The following RAB39A variants were observed in gnomAD, a reference collection of about 807,000 sequenced individuals.
The protein encoded by RAB39A is RAB39A, member RAS oncogene family, also known as ras-related protein Rab-39A.
In RAB39A, 17 loss-of-function variants were observed where a neutral mutation model predicts 20.9. That is an observed-to-expected ratio of 0.81 (90% CI 0.56 to 1.22). RAB39A has a LOEUF of 1.22. RAB39A is among the 50% of genes most tolerant of loss of function. The probability of loss-of-function intolerance (pLI) is 0.00; values close to 1 mark genes in which losing one functional copy is unlikely to be tolerated. For synonymous variants in RAB39A, 99 were observed against 103.4 expected (o/e 0.96, Z 0.26); for missense variants, 234 against 270.5 (o/e 0.87, Z 0.95).
At chr11:107,934,370 G>A (rs1011722666) in intron 1 of RAB39A, among the ~76,000 whole-genome samples, 4 of 152,094 alleles carry the variant, frequency 2.6e-5, no homozygotes, top group African/African-American at 9.7e-5. Context: ...GGAGGTCGAG[G>A]CTTCTGTGAG....
Position 107,928,911 on chromosome 11 carries a change from C to A in RAB39A, c.227+116C>A. ...GGGAGAGGCTCTGGCCCTTCCCTCT[C>A]GAAAGTGCAAACACTCCATTCTCGC... is the stretch of plus-strand genomic sequence containing the variant. On this transcript the variant is annotated intron_variant, in intron 1 of 1. Transcript: ENST00000320578. The surrounding 1 kb of genome is among the most constrained non-coding windows in gnomAD (Gnocchi z 4.9). The A allele has an allele frequency of 1.3e-6, 1 of 763,006 alleles. No homozygotes were observed. The highest frequency in any genetic ancestry group is 2.0e-6 in the Non-Finnish European group (1 of 501,332). The allele number at this position is 763,006 out of a possible 1,614,324, so 47.3% of individuals were successfully genotyped here. A position where few individuals can be genotyped will look rare whatever the true frequency, so the allele number is the denominator to read the frequency against.
At chr11:107,959,783 G>T (rs1424205792) in intron 1 of RAB39A, among the ~76,000 whole-genome samples, 1 of 152,170 alleles carries the variant, frequency 6.6e-6, no homozygotes, top group African/African-American at 2.4e-5. Context: ...TAACCCACTG[G>T]CCATTCACAA....
At chr11:107,939,803 C>A (rs1040123830) in intron 1 of RAB39A, among the ~76,000 whole-genome samples, 2 of 152,090 alleles carry the variant, frequency 1.3e-5, no homozygotes, top group Non-Finnish European at 2.9e-5. Flanking sequence ...TTTCTCTCGT[C>A]ATGCCACAGC....
At position 107,947,068 on chromosome 11, in the gene RAB39A, T is replaced by C. The variant is rs1861326789; in HGVS notation, c.228-14878T>C. ...AGTTGAAAAAAAAAATCTCAAAAGG[T>C]AGGACAAAAAGACAGTGACTTAGAA... On this transcript the variant is annotated intron_variant, in intron 1 of 1. Transcript: ENST00000320578. 3.3e-5 allele frequency among the ~76,000 whole-genome samples: 5 copies of C among 150,466 alleles called. No homozygotes were observed. In the South Asian group the frequency reaches 1.1e-3, roughly 32 times the overall value.
intron 1 of RAB39A, among the ~76,000 whole-genome samples, chr11:107,940,500 A>C (rs970211403): frequency 7.9e-5 from 12 of 151,810 alleles, no homozygotes; most frequent in Non-Finnish European, 1.2e-4. Flanking sequence ...CTGACCTCAA[A>C]TCATCTGTCT....
chr11:107,937,539 ATT>A (rs112197410), intron 1 of RAB39A, among the ~76,000 whole-genome samples: 4 of 142,792 alleles, frequency 2.8e-5, no homozygotes, highest in Non-Finnish European at 1.5e-5. Context: ...AATTATTACT[ATT>A]TTTTTTTTTT....
At chr11:107,949,117 T>C (rs973257617) in intron 1 of RAB39A, among the ~76,000 whole-genome samples, 1 of 152,008 alleles carries the variant, frequency 6.6e-6, no homozygotes, top group Non-Finnish European at 1.5e-5. Flanking sequence ...GCCCAGGAGT[T>C]TGAGACTAGC....
At chr11:107,929,210 C>T (rs1861113682) in intron 1 of RAB39A, among the ~76,000 whole-genome samples, 1 of 152,188 alleles carries the variant, frequency 6.6e-6, no homozygotes, top group Non-Finnish European at 1.5e-5. Flanking sequence ...CCTTTTCCTA[C>T]CCTAACCCAG....
rs201289690 is a variant in RAB39A at position 107,928,556 on chromosome 11, G to T, written c.-13G>T. The T allele has an allele frequency of 7.8e-5, 114 of 1,453,808 alleles. 2 individuals carry two copies. The East Asian group carries it at 2.0e-3, about 25-fold the overall frequency. The allele number at this position is 1,453,808 out of a possible 1,614,324, so 90.1% of individuals were successfully genotyped here. ...GGGTGGGGCGGCCCGGGAGCCAGCGGGGCACGTGAGCGATGGAGACCATCT... is the reference window on the plus strand; with the variant it reads ...GGGTGGGGCGGCCCGGGAGCCAGCGTGGCACGTGAGCGATGGAGACCATCT... On this transcript the variant is annotated 5_prime_UTR_variant, in exon 1 of 2. Coordinates refer to ENST00000320578, the MANE Select transcript of RAB39A (RefSeq NM_017516.3). This position sits in a 1 kb window ranked among gnomAD's most constrained non-coding sequence, Gnocchi z 4.9.
intron 1 of RAB39A, among the ~76,000 whole-genome samples, chr11:107,930,670 A>G (rs1438392605): frequency 2.0e-5 from 3 of 152,052 alleles, no homozygotes; most frequent in African/African-American, 7.2e-5. Flanking sequence ...AGCCTGGCCA[A>G]TAAGGTGAAA....
At chr11:107,948,120 CAG>C (rs553254270) in intron 1 of RAB39A, among the ~76,000 whole-genome samples, 80 of 152,114 alleles carry the variant, frequency 5.3e-4, no homozygotes, top group African/African-American at 1.9e-3. Context: ...GTGTGTGCTG[CAG>C]ATACCAAGGA....
intron 1 of RAB39A, among the ~76,000 whole-genome samples, chr11:107,944,675 G>A (rs954138686): frequency 7.2e-5 from 11 of 151,964 alleles, no homozygotes; most frequent in African/African-American, 2.2e-4. Flanking sequence ...GTGAGCCACC[G>A]CGCCAGGCCA....
intron 1 of RAB39A, among the ~76,000 whole-genome samples, chr11:107,940,274 A>T (rs184333764): frequency 0.011 from 1,688 of 149,602 alleles, 29 homozygotes; most frequent in African/African-American, 0.037. Flanking sequence ...TATTATTATT[A>T]TTTTTTTTTT....
chr11:107,929,081 A>G (rs900109139), intron 1 of RAB39A, among the ~76,000 whole-genome samples: 1 of 150,968 alleles, frequency 6.6e-6, no homozygotes, highest in Admixed American at 6.6e-5. Context: ...CTCTTCCCCA[A>G]CTCTTTCAGC....
At chr11:107,951,082 G>A (rs112105424) in intron 1 of RAB39A, among the ~76,000 whole-genome samples, 3 of 152,246 alleles carry the variant, frequency 2.0e-5, no homozygotes, top group African/African-American at 7.2e-5. Flanking sequence ...GATTTTTGAT[G>A]GAAAGATCCT....
At chr11:107,937,588 T>C (rs902488549) in intron 1 of RAB39A, among the ~76,000 whole-genome samples, 2 of 151,262 alleles carry the variant, frequency 1.3e-5, no homozygotes, top group African/African-American at 2.4e-5. Flanking sequence ...CAGGCTGGAG[T>C]GCAGTGGCGC....
At position 107,941,703 on chromosome 11, in the gene RAB39A, G is replaced by A. The variant is rs553900301; in HGVS notation, c.227+12908G>A. 4.6e-5 allele frequency among the ~76,000 whole-genome samples: 7 copies of A among 152,292 alleles called. No individual in the cohort carries two copies. The East Asian group carries it at 1.3e-3, about 29-fold the overall frequency. On this transcript the variant is annotated intron_variant, in intron 1 of 1. Coordinates refer to ENST00000320578, the MANE Select transcript of RAB39A (RefSeq NM_017516.3). Reference sequence around the variant, plus strand: ...AAGATAAAGGAGCAAATGGACAAATGATCATAATTTTAGATTTCTTAGATA... The same window carrying A: ...AAGATAAAGGAGCAAATGGACAAATAATCATAATTTTAGATTTCTTAGATA...
chr11:107,962,621 A>G lies in RAB39A; in HGVS notation c.*249A>G, dbSNP rs759971394. On this transcript the variant is annotated 3_prime_UTR_variant, in exon 2 of 2. Transcript: ENST00000320578. ...AAATTACCTCCATTCTTACTTTGTT[A>G]GCATACGCTGACCTTAGTGTCCAGA... The G allele has an allele frequency of 5.3e-6, 2 of 377,804 alleles. No homozygotes were observed. Among genetic ancestry groups the G allele is most frequent in the Non-Finnish European group, 9.5e-6 (2 of 210,456 alleles). 23.4% of individuals were successfully genotyped at this position (377,804 alleles called of 1,614,324 possible).
chr11:107,955,492 T>C (rs1347347730), intron 1 of RAB39A, among the ~76,000 whole-genome samples: 1 of 152,154 alleles, frequency 6.6e-6, no homozygotes, highest in Non-Finnish European at 1.5e-5. Context: ...CTATCAAAGC[T>C]AGCAAGCTTT....
Sources: gnomAD v4.1 joint callset for allele counts (sites outside exome capture counted in the v4.1 genomes callset) on GRCh38, gnomAD v4.1.1 for gene constraint, Gnocchi (gnomAD v3.1) non-coding constraint, MANE v1.5 for transcripts, NCBI Gene and HGNC (gene_info 2026-07-23, HGNC 2026-07-21) for gene names.